The following TSPAN18 variants were observed in gnomAD, a reference collection of about 807,000 sequenced individuals.
TSPAN18 encodes the protein tetraspanin-18.
A neutral mutation model predicts 27.3 loss-of-function variants in TSPAN18; 14 were observed. The ratio of observed to expected loss-of-function variants is 0.51; its 90% CI spans 0.34 to 0.80. The LOEUF (loss-of-function observed/expected upper bound fraction) is 0.80, where lower values mean the gene tolerates loss of function less well. Ranked by LOEUF, TSPAN18 falls within the 30% of genes least tolerant of loss-of-function variation. The pLI, the probability that TSPAN18 is intolerant of heterozygous loss-of-function variation, is 0.01. For synonymous variants in TSPAN18, 143 were observed against 136.5 expected, an observed-to-expected ratio of 1.05 and a Z score of -0.33; for missense variants, 268 against 323.9, an observed-to-expected ratio of 0.83 and a Z score of 1.32.
At chr11:44,820,243 T>C (rs1856899441) in intron 2 of TSPAN18, among the ~76,000 whole-genome samples, 1 of 152,230 alleles carries the variant, frequency 6.6e-6, no homozygotes, top group South Asian at 2.1e-4. Context: ...AAGTTTCTCA[T>C]AGCCAACTGG....
At chr11:44,773,277 G>A (rs567831141) in intron 2 of TSPAN18, among the ~76,000 whole-genome samples, 4 of 151,988 alleles carry the variant, frequency 2.6e-5, no homozygotes, top group East Asian at 2.0e-4. Flanking sequence ...TTAGCCGGGC[G>A]TGGTGGCACA....
chr11:44,926,871 C>A (rs968702407), intron 9 of TSPAN18, 114 bp downstream of exon 9: 73 of 1,186,614 alleles, frequency 6.2e-5, no homozygotes, highest in Non-Finnish European at 8.3e-5. Flanking sequence ...ACCCAAGGGG[C>A]CCCCACTGTG....
chr11:44,922,524 C>T (rs776441041), intron 8 of TSPAN18, among the ~76,000 whole-genome samples: 6 of 152,122 alleles, frequency 3.9e-5, no homozygotes, highest in African/African-American at 1.4e-4. Flanking sequence ...GGATGCATGG[C>T]GTGGCCACAG....
intron 2 of TSPAN18, among the ~76,000 whole-genome samples, chr11:44,778,004 G>A (rs114745263): frequency 1.6e-3 from 241 of 152,228 alleles, no homozygotes; most frequent in African/African-American, 5.6e-3. Flanking sequence ...ACCCTAGGGG[G>A]TAGAGCACAG....
intron 2 of TSPAN18, among the ~76,000 whole-genome samples, chr11:44,820,481 G>C (rs1459730104): frequency 1.3e-5 from 2 of 152,220 alleles, no homozygotes; most frequent in Non-Finnish European, 2.9e-5. Context: ...TGAGACTGTG[G>C]GAGGTGCCAC....
chr11:44,765,426 G>A lies in TSPAN18; in HGVS notation c.-153+914G>A, dbSNP rs142035770. Among the ~76,000 whole-genome samples the A allele has an allele frequency of 6.2e-4, 94 of 152,304 alleles. 1 individual carries two copies. Among genetic ancestry groups the A allele is most frequent in the Non-Finnish European group, 1.1e-3 (76 of 68,022 alleles). On this transcript the variant is annotated intron_variant, in intron 2 of 9. Coordinates refer to ENST00000520358, the MANE Select transcript of TSPAN18 (RefSeq NM_130783.5). ...CCCTTGGTGGTAAATCACAGGGTCC[G>A]AGGTGCAGAGGAACCTTGGTTTGAG...
At chr11:44,926,576 C>T (rs1394987823) in intron 8 of TSPAN18, 98 bp from the exon 9 acceptor site, 2 of 1,114,482 alleles carry the variant, frequency 1.8e-6, no homozygotes, top group Non-Finnish European at 2.7e-6. Context: ...GGTGAGAGCT[C>T]TGGGGACACC....
At chr11:44,834,185 C>T (rs112342546) in intron 2 of TSPAN18, among the ~76,000 whole-genome samples, 7 of 151,670 alleles carry the variant, frequency 4.6e-5, no homozygotes, top group Non-Finnish European at 2.9e-5. Context: ...GAGATGGAGG[C>T]GAGGTGGGGG....
At chr11:44,873,569 G>A (rs911682199) in intron 3 of TSPAN18, among the ~76,000 whole-genome samples, 1 of 152,212 alleles carries the variant, frequency 6.6e-6, no homozygotes, top group African/African-American at 2.4e-5. Context: ...CATTTTACAG[G>A]GCTTAAGTCT....
At chr11:44,891,279 G>A (rs1426279261) in intron 3 of TSPAN18, among the ~76,000 whole-genome samples, 1 of 152,220 alleles carries the variant, frequency 6.6e-6, no homozygotes, top group Non-Finnish European at 1.5e-5. Flanking sequence ...GCCGAAGGGT[G>A]GGGGTGGATG....
chr11:44,746,771 T>C (rs1432819002), intron 1 of TSPAN18, among the ~76,000 whole-genome samples: 4 of 152,048 alleles, frequency 2.6e-5, no homozygotes, highest in African/African-American at 4.8e-5. Context: ...AATAATTATT[T>C]TGGGGTTAGG....
At chr11:44,848,391 C>G (rs1458747407) in intron 2 of TSPAN18, among the ~76,000 whole-genome samples, 2 of 152,350 alleles carry the variant, frequency 1.3e-5, no homozygotes, top group African/African-American at 4.8e-5. Context: ...TGCCTTCCCC[C>G]AAGGAGTGCG....
intron 2 of TSPAN18, among the ~76,000 whole-genome samples, chr11:44,855,668 A>G (rs983842387): frequency 5.9e-5 from 9 of 152,094 alleles, no homozygotes; most frequent in Admixed American, 5.9e-4. Context: ...TAACCCTCAC[A>G]GTATCTAAAT....
chr11:44,744,274 T>C (rs1378106034), intron 1 of TSPAN18, among the ~76,000 whole-genome samples: 2 of 152,222 alleles, frequency 1.3e-5, no homozygotes, highest in African/African-American at 4.8e-5. Flanking sequence ...CTCTTTCTTC[T>C]AGCCCAGAGA....
At chr11:44,861,377 C>A (rs1857877879) in intron 3 of TSPAN18, among the ~76,000 whole-genome samples, 1 of 142,220 alleles carries the variant, frequency 7.0e-6, no homozygotes, top group South Asian at 2.3e-4. Context: ...GGTCGGGGGG[C>A]AGTCGGTGCG....
chr11:44,926,755 G>A lies in TSPAN18; in HGVS notation c.697G>A (p.Glu233Lys), dbSNP rs772052593. ...CCTTGCCATCGGGGTACTGGCCATC[G>A]AGGTAAGTAAAGGCCCCCACTTCTG... is the stretch of plus-strand genomic sequence containing the variant. ...GALAIGVLAI[E>K]LFAMIFAMCL... Residue 233 changes from glutamate (E) to lysine (K), a missense_variant and splice_region_variant, in exon 9 of 10, where the codon GAG (glutamate) becomes AAG (lysine). Transcript: ENST00000520358. 7.4e-6 allele frequency: 12 copies of A among 1,614,114 alleles called. No individual in the cohort carries two copies. Among genetic ancestry groups the A allele is most frequent in the South Asian group, 4.4e-5 (4 of 91,090 alleles).
intron 3 of TSPAN18, among the ~76,000 whole-genome samples, chr11:44,902,968 A>T (rs1859316822): frequency 6.6e-6 from 1 of 152,156 alleles, no homozygotes; most frequent in Admixed American, 6.5e-5. Flanking sequence ...GGCTTCCTTC[A>T]CACTGCTGAA....
chr11:44,777,699 C>A (rs1449665614), intron 2 of TSPAN18, among the ~76,000 whole-genome samples: 1 of 152,192 alleles, frequency 6.6e-6, no homozygotes, highest in East Asian at 1.9e-4. Flanking sequence ...TCTCCTCTCC[C>A]ACTGTTAATA....
chr11:44,880,826 G>A (rs887820392), intron 3 of TSPAN18, among the ~76,000 whole-genome samples: 2 of 152,260 alleles, frequency 1.3e-5, no homozygotes, highest in Non-Finnish European at 2.9e-5. Context: ...ATTCCTCCGT[G>A]AGAGCCCACC....
Sources: gnomAD v4.1 joint callset for allele counts (sites outside exome capture counted in the v4.1 genomes callset) on GRCh38, gnomAD v4.1.1 for gene constraint, MANE v1.5 for transcripts, NCBI Gene and HGNC (gene_info 2026-07-23, HGNC 2026-07-21) for gene names.